FAM200B: variants seen among roughly 807,000 people sequenced by gnomAD.
The protein encoded by FAM200B is protein FAM200B.
Under a neutral mutation model 33.1 loss-of-function variants are expected in FAM200B, and 32 were observed. The ratio of observed to expected loss-of-function variants is 0.97; its 90% CI spans 0.73 to 1.30. The LOEUF (loss-of-function observed/expected upper bound fraction) is 1.30, where lower values mean the gene tolerates loss of function less well. FAM200B is among the 50% of genes most tolerant of loss of function. FAM200B has a pLI of 0.00. For missense variants in FAM200B, 741 were observed against 754.0 expected, an observed-to-expected ratio of 0.98 and a Z score of 0.20; for synonymous variants, 240 against 264.8, an observed-to-expected ratio of 0.91 and a Z score of 0.91.
chr4:15,656,468 CTAT>C, the FAM200B span: 3 of 342,640 alleles, frequency 8.8e-6, no homozygotes, highest in African/African-American at 4.3e-5. Context: ...CCCTTGTTCT[CTAT>C]TATCTATCAC....
the FAM200B span, among the ~76,000 whole-genome samples, chr4:15,673,342 G>A: frequency 6.6e-6 from 1 of 152,160 alleles, no homozygotes; most frequent in African/African-American, 2.4e-5. Flanking sequence ...TTGGGAGGCT[G>A]AGGTGGGAGG....
chr4:15,663,377 T>C, the FAM200B span, among the ~76,000 whole-genome samples: 559 of 152,316 alleles, frequency 3.7e-3, 1 homozygote, highest in Middle Eastern at 0.01. Flanking sequence ...TCTCAGTATC[T>C]CTATTAAGAT....
the FAM200B span, among the ~76,000 whole-genome samples, chr4:15,662,917 ATCTT>A: frequency 1.3e-5 from 2 of 152,230 alleles, no homozygotes; most frequent in African/African-American, 4.8e-5. Context: ...TGTCAGAATA[ATCTT>A]TCTGTCACTG....
At position 15,688,181 on chromosome 4, in the gene FAM200B, A is replaced by C; in HGVS notation, c.1204A>C (p.Arg402=). 8 of 1,551,280 alleles carry C rather than the reference A, an allele frequency of 5.2e-6. No homozygotes were observed. Among genetic ancestry groups the C allele is most frequent in the Non-Finnish European group, 7.0e-6 (8 of 1,146,728 alleles). The part of the protein sequence containing the change: ...GKILSRVYEL[R]NEIHFFLIEK... The stretch of plus-strand genomic sequence containing the variant: ...AATACTAAGCAGGGTTTATGAGCTC[A>C]GGAATGAGATTCACTTTTTTCTCAT... The change falls in exon 2 of 2, where the codon AGG becomes CGG. Residue 402 remains arginine, a synonymous_variant. Transcript: ENST00000422728.
the FAM200B span, among the ~76,000 whole-genome samples, chr4:15,651,151 T>C: frequency 2.6e-5 from 4 of 152,214 alleles, no homozygotes; most frequent in African/African-American, 9.6e-5. Flanking sequence ...AAGGGAGACT[T>C]ATACTCAGTG....
the FAM200B span, among the ~76,000 whole-genome samples, chr4:15,675,748 AT>A: frequency 1.3e-5 from 2 of 151,706 alleles, no homozygotes; most frequent in South Asian, 4.2e-4. Context: ...CACCCCATTA[AT>A]TTTTTGTATT....
At chr4:15,641,279 A>T in the FAM200B span, among the ~76,000 whole-genome samples, 1 of 152,112 alleles carries the variant, frequency 6.6e-6, no homozygotes, top group Non-Finnish European at 1.5e-5. Flanking sequence ...AAAACTCAGA[A>T]TATAGTTGAC....
chr4:15,667,758 T>C, the FAM200B span, among the ~76,000 whole-genome samples: 4 of 152,110 alleles, frequency 2.6e-5, no homozygotes, highest in Non-Finnish European at 5.9e-5. Context: ...GACTTCCTGG[T>C]ATAAGATGGT....
chr4:15,683,448 CTG>C (rs1168775011), intron 1 of FAM200B, among the ~76,000 whole-genome samples: 2 of 152,076 alleles, frequency 1.3e-5, no homozygotes, highest in Non-Finnish European at 2.9e-5. Context: ...ACAATAGTAA[CTG>C]AACTAGTGTT....
upstream of FAM200B, among the ~76,000 whole-genome samples, chr4:15,678,894 A>T (rs1718092524): frequency 6.6e-6 from 1 of 152,128 alleles, no homozygotes; most frequent in Non-Finnish European, 1.5e-5. Flanking sequence ...ATATTTGCAG[A>T]TCATCATAGC....
the FAM200B span, among the ~76,000 whole-genome samples, chr4:15,672,549 A>G: frequency 6.6e-6 from 1 of 152,232 alleles, no homozygotes; most frequent in Non-Finnish European, 1.5e-5. Flanking sequence ...AAACATAGAA[A>G]AGTTATAGTA....
the FAM200B span, chr4:15,640,838 ATCTC>A: frequency 6.4e-7 from 1 of 1,565,524 alleles, no homozygotes; most frequent in Non-Finnish European, 8.6e-7. Context: ...AAAGCCTCCA[ATCTC>A]TCTTTCAGTT....
the FAM200B span, among the ~76,000 whole-genome samples, chr4:15,663,003 G>C: frequency 8.5e-5 from 13 of 152,216 alleles, no homozygotes; most frequent in East Asian, 2.5e-3. Flanking sequence ...AATAAGAAAT[G>C]GTTGTAAAAT....
chr4:15,644,886 A>C, the FAM200B span, among the ~76,000 whole-genome samples: 2 of 152,242 alleles, frequency 1.3e-5, no homozygotes, highest in African/African-American at 2.4e-5. Flanking sequence ...TAAAAAGTGC[A>C]CTAGGCCAGG....
At chr4:15,672,643 G>GGTAA in the FAM200B span, among the ~76,000 whole-genome samples, 1 of 152,086 alleles carries the variant, frequency 6.6e-6, no homozygotes, top group African/African-American at 2.4e-5. Flanking sequence ...AGTTGTTCTG[G>GGTAA]GTAAGTCAGT....
rs1156993006 is a variant in FAM200B at position 15,689,134 on chromosome 4, G to T, written c.*183G>T. On this transcript the variant is annotated 3_prime_UTR_variant, in exon 2 of 2. Coordinates refer to ENST00000422728, the MANE Select transcript of FAM200B (RefSeq NM_001145191.2). ...TTAATGAATTTCTGTTAGAGGCCAGGAACTATTCTAGAGACATTTGGGATA... is the reference window on the plus strand; with the variant it reads ...TTAATGAATTTCTGTTAGAGGCCAGTAACTATTCTAGAGACATTTGGGATA... 1 of 457,522 alleles carries T rather than the reference G, an allele frequency of 2.2e-6. No homozygotes were observed. Among genetic ancestry groups the T allele is most frequent in the Non-Finnish European group, 3.8e-6 (1 of 265,968 alleles). 28.3% of individuals were successfully genotyped at this position (457,522 alleles called of 1,614,324 possible).
the FAM200B span, among the ~76,000 whole-genome samples, chr4:15,651,654 A>G: frequency 6.6e-6 from 1 of 152,126 alleles, no homozygotes; most frequent in African/African-American, 2.4e-5. Context: ...TATTCAAATT[A>G]CTCTAAGCTT....
In FAM200B at chr4:15,688,467, A is replaced by G; in HGVS notation, c.1490A>G (p.Asn497Ser). 6.5e-7 allele frequency: 1 copy of G among 1,539,124 alleles called. No homozygotes were observed. The highest frequency in any genetic ancestry group is 8.8e-7 in the Non-Finnish European group (1 of 1,137,394). ...CAGCATATTGAAGAGAATATTATTA[A>G]TGAAAACATTTTGAAAGAAATAAAA... Reference protein sequence around the residue: ...FLQHIEENIINENILKEIKLE... With the variant: ...FLQHIEENIISENILKEIKLE... Residue 497 changes from asparagine (N) to serine (S), a missense_variant, in exon 2 of 2, where the codon AAT becomes AGT. Asn to Ser is a conservative substitution (Grantham distance 46, BLOSUM62 1). Transcript: ENST00000422728.
At chr4:15,683,446 A>G (rs914322120) in intron 1 of FAM200B, among the ~76,000 whole-genome samples, 1 of 152,202 alleles carries the variant, frequency 6.6e-6, no homozygotes. Flanking sequence ...ATACAATAGT[A>G]ACTGAACTAG....
Sources: gnomAD v4.1 joint callset for allele counts (sites outside exome capture counted in the v4.1 genomes callset) on GRCh38, gnomAD v4.1.1 for gene constraint, MANE v1.5 for transcripts, NCBI Gene and HGNC (gene_info 2026-07-23, HGNC 2026-07-21) for gene names.